TLK1: variants seen among roughly 807,000 people sequenced by gnomAD.
The protein encoded by TLK1 is serine/threonine-protein kinase tousled-like 1.
TLK1 carries 24 observed loss-of-function variants against 105.3 expected under a neutral mutation model. The observed-to-expected ratio is 0.23, with a 90% CI of 0.17 to 0.32. The LOEUF is 0.32. Ranked by LOEUF, TLK1 falls within the 10% of genes least tolerant of loss-of-function variation. The pLI is 1.00. For missense variants in TLK1, 558 were observed against 910.5 expected (o/e 0.61, Z 4.98); for synonymous variants, 321 against 310.4 (o/e 1.03, Z -0.36).
In TLK1 at chr2:171,160,212, GGGGGC is replaced by G; in HGVS notation, c.139+73_139+77del. ...TCTGGCGGAGAAGCCCCGGGGCGGG[GGGGGC>G]GGGGGGGGGGCGCGGGGGTCCGCGG... On this transcript the variant is annotated intron_variant, in intron 1 of 20. Transcript: ENST00000431350. This position sits in a 1 kb window ranked among gnomAD's most constrained non-coding sequence, Gnocchi z 4.4. 1.6e-6 allele frequency: 2 copies of G among 1,253,454 alleles called. No individual in the cohort carries two copies. The highest frequency in any genetic ancestry group is 2.0e-6 in the Non-Finnish European group (2 of 991,332). 77.6% of individuals were successfully genotyped at this position (1,253,454 alleles called of 1,614,324 possible). A position where few individuals can be genotyped will look rare whatever the true frequency, so the allele number is the denominator to read the frequency against.
At chr2:171,165,240 G>A (rs1286937297), upstream of TLK1, among the ~76,000 whole-genome samples, 1 of 152,192 alleles carries the variant, frequency 6.6e-6, no homozygotes, top group Non-Finnish European at 1.5e-5. Context: ...TAGAGAGAAC[G>A]TTCTGAGTGC....
At chr2:171,091,140 A>G (rs1258952799) in intron 2 of TLK1, among the ~76,000 whole-genome samples, 1 of 152,216 alleles carries the variant, frequency 6.6e-6, no homozygotes, top group East Asian at 1.9e-4. Context: ...TAGTACTAAA[A>G]TGGCACAGTT....
chr2:171,022,200 T>TTGTGTGATTATAAA (rs1351319133), intron 12 of TLK1, among the ~76,000 whole-genome samples: 1 of 151,394 alleles, frequency 6.6e-6, no homozygotes, highest in African/African-American at 2.4e-5. Context: ...CAAGTTAAGG[T>TTGTGTGATTATAAA]TGTGTGATTA....
At chr2:171,126,277 A>T (rs1367363758) in intron 1 of TLK1, among the ~76,000 whole-genome samples, 1 of 152,186 alleles carries the variant, frequency 6.6e-6, no homozygotes, top group Non-Finnish European at 1.5e-5. Flanking sequence ...AATTTTAGGG[A>T]ACATAAAGAA....
intron 3 of TLK1, among the ~76,000 whole-genome samples, chr2:171,073,277 CTT>C (rs1325993322): frequency 6.6e-6 from 1 of 152,178 alleles, no homozygotes; most frequent in Admixed American, 6.5e-5. Flanking sequence ...GGTGGGCACT[CTT>C]GTTGTGTTCC....
chr2:171,163,901 A>G (rs1038591837), upstream of TLK1, among the ~76,000 whole-genome samples: 1 of 151,844 alleles, frequency 6.6e-6, no homozygotes, highest in Admixed American at 6.6e-5. Flanking sequence ...AATTTTTTGT[A>G]TTTTAGTAGA....
upstream of TLK1, among the ~76,000 whole-genome samples, chr2:171,161,120 C>T (rs1692485321): frequency 1.4e-5 from 2 of 147,584 alleles, no homozygotes; most frequent in South Asian, 2.1e-4. Flanking sequence ...CCGCGGATCG[C>T]CGCGCGGCGC....
At chr2:171,083,880 A>G (rs939566306) in intron 2 of TLK1, among the ~76,000 whole-genome samples, 5 of 152,230 alleles carry the variant, frequency 3.3e-5, no homozygotes, top group Non-Finnish European at 5.9e-5. Context: ...TAATCTAATT[A>G]TGGCAAGATT....
chr2:171,155,177 A>C (rs1473514634), intron 1 of TLK1, among the ~76,000 whole-genome samples: 1 of 152,172 alleles, frequency 6.6e-6, no homozygotes, highest in African/African-American at 2.4e-5. Flanking sequence ...TAAGCATATT[A>C]CTTCTGAAAT....
chr2:171,001,277 G>A (rs1195717403), intron 18 of TLK1, among the ~76,000 whole-genome samples: 1 of 152,132 alleles, frequency 6.6e-6, no homozygotes, highest in Non-Finnish European at 1.5e-5. Context: ...TGTGTAACGA[G>A]CCTTAAAGTT....
In TLK1 at chr2:171,160,226, GGCGCGGGGGTCCGC is replaced by G. The variant is rs1692420348; in HGVS notation, c.139+50_139+63del. ...CCCGGGGCGGGGGGGGCGGGGGGGG[GGCGCGGGGGTCCGC>G]GGCGCGGGAGAGGAGGCCCGCGAGC... is the stretch of plus-strand genomic sequence containing the variant. On this transcript the variant is annotated intron_variant, in intron 1 of 20. Coordinates refer to ENST00000431350, the MANE Select transcript of TLK1 (RefSeq NM_012290.5). This position sits in a 1 kb window ranked among gnomAD's most constrained non-coding sequence, Gnocchi z 4.4. The G allele has an allele frequency of 8.0e-7, 1 of 1,253,174 alleles. No individual in the cohort carries two copies. The highest frequency in any genetic ancestry group is 1.0e-6 in the Non-Finnish European group (1 of 988,576). The allele number at this position is 1,253,174 out of a possible 1,614,324, so 77.6% of individuals were successfully genotyped here. A position where few individuals can be genotyped will look rare whatever the true frequency, so the allele number is the denominator to read the frequency against.
intron 1 of TLK1, among the ~76,000 whole-genome samples, chr2:171,182,648 A>G (rs1006279928): frequency 2.6e-5 from 4 of 152,174 alleles, no homozygotes; most frequent in African/African-American, 4.8e-5. Flanking sequence ...GGCCAGGCAC[A>G]GTAGCTCACA....
chr2:171,224,944 C>T (rs576756104), intron 1 of TLK1, among the ~76,000 whole-genome samples: 1 of 152,072 alleles, frequency 6.6e-6, no homozygotes, highest in Non-Finnish European at 1.5e-5. Flanking sequence ...GGTTTCATGA[C>T]AATTCAATGA....
chr2:171,045,899 G>A (rs1043602918), intron 11 of TLK1: 11 of 317,312 alleles, frequency 3.5e-5, no homozygotes, highest in African/African-American at 1.1e-4. Flanking sequence ...ACTTTTAATT[G>A]ATTCCTAACT....
At chr2:171,059,811 C>T (rs1206609102) in intron 4 of TLK1, 9 of 713,128 alleles carry the variant, frequency 1.3e-5, no homozygotes, top group African/African-American at 3.5e-5. Flanking sequence ...TAACCTGGAT[C>T]CCTTGCATGT....
intron 1 of TLK1, among the ~76,000 whole-genome samples, chr2:171,141,478 A>G (rs1691571508): frequency 6.6e-6 from 1 of 152,234 alleles, no homozygotes; most frequent in African/African-American, 2.4e-5. Context: ...AGCTGAACAA[A>G]TAAAAGATCA....
At chr2:171,112,539 T>C (rs901067662) in intron 2 of TLK1, among the ~76,000 whole-genome samples, 2 of 152,182 alleles carry the variant, frequency 1.3e-5, no homozygotes, top group African/African-American at 4.8e-5. Flanking sequence ...ATAAAGAACC[T>C]TCAGACAATT....
chr2:171,040,725 T>C (rs951778782), intron 11 of TLK1, among the ~76,000 whole-genome samples: 3 of 151,990 alleles, frequency 2.0e-5, no homozygotes, highest in African/African-American at 4.8e-5. Context: ...TATAGGTACA[T>C]ACCACCATGT....
intron 10 of TLK1, among the ~76,000 whole-genome samples, chr2:171,049,420 A>G (rs1340715636): frequency 1.3e-5 from 2 of 152,210 alleles, no homozygotes; most frequent in Non-Finnish European, 2.9e-5. Flanking sequence ...AGAGCAGGCA[A>G]GTGCTGAACA....
Sources: gnomAD v4.1 joint callset for allele counts (sites outside exome capture counted in the v4.1 genomes callset) on GRCh38, gnomAD v4.1.1 for gene constraint, Gnocchi (gnomAD v3.1) non-coding constraint, MANE v1.5 for transcripts, NCBI Gene and HGNC (gene_info 2026-07-23, HGNC 2026-07-21) for gene names.